The following XKR5 variants were observed in gnomAD, a reference collection of about 807,000 sequenced individuals.
XKR5 encodes the protein XK-related protein 5.
A neutral mutation model predicts 40.8 loss-of-function variants in XKR5; 46 were observed. That is an observed-to-expected ratio of 1.13 (90% CI 0.89 to 1.44). The LOEUF is 1.44. Ranked by LOEUF, XKR5 falls within the 40% of genes most tolerant of loss-of-function variation. The pLI, the probability that XKR5 is intolerant of heterozygous loss-of-function variation, is 0.00. For synonymous variants in XKR5, 466 were observed against 356.1 expected (o/e 1.31, Z -3.48); for missense variants, 1,169 against 844.7 (o/e 1.38, Z -4.76).
chr8:6,826,405 AGAAT>A (rs1469738814), intron 2 of XKR5, among the ~76,000 whole-genome samples: 1 of 152,118 alleles, frequency 6.6e-6, no homozygotes, highest in African/African-American at 2.4e-5. Flanking sequence ...CAGAGCTAAT[AGAAT>A]ACTTCCAGCA....
chr8:6,825,934 G>T (rs1804453698), intron 2 of XKR5, among the ~76,000 whole-genome samples: 1 of 152,208 alleles, frequency 6.6e-6, no homozygotes, highest in Admixed American at 6.5e-5. Flanking sequence ...GGAGCTTGGA[G>T]GCTGATGTGG....
Position 6,825,324 on chromosome 8 carries a change from G to T in XKR5, c.268C>A (p.Leu90Met). 3 of 1,597,454 alleles carry T rather than the reference G, an allele frequency of 1.9e-6. No homozygotes were observed. The highest frequency in any genetic ancestry group is 2.2e-5 in the South Asian group (2 of 89,354). Residue 90 changes from leucine (L) to methionine (M), a missense_variant, in exon 3 of 7, where the codon CTG (leucine) becomes ATG (methionine). Coordinates refer to ENST00000618742, the MANE Select transcript of XKR5 (RefSeq NM_207411.5). ...TGGGGAGCCTCCAGTTCCTTCTGCA[G>T]ACTGGTCAGTGCAGCGTCCCAGTGC... ...KRHWDAALTS[L>M]QKELEAPHRG...
At chr8:6,831,359 G>A (rs1271211930) in intron 2 of XKR5, among the ~76,000 whole-genome samples, 1 of 152,222 alleles carries the variant, frequency 6.6e-6, no homozygotes, top group Non-Finnish European at 1.5e-5. Context: ...CAAAATGCCT[G>A]TGGCTGCAAA....
intron 5 of XKR5, 90 bp downstream of exon 5, chr8:6,821,779 C>A: frequency 2.3e-6 from 2 of 861,712 alleles, no homozygotes; most frequent in Non-Finnish European, 3.3e-6. Flanking sequence ...TGCATTGGTG[C>A]ACACACACAC....
At chr8:6,835,346 G>T (rs879628233) in intron 1 of XKR5, 90 bp downstream of exon 1, 130 of 1,287,616 alleles carry the variant, frequency 1.0e-4, no homozygotes, top group Non-Finnish European at 1.2e-4. Flanking sequence ...GGCAGTGCCC[G>T]CCCGGGCATA....
At chr8:6,828,266 G>T (rs2741086) in intron 2 of XKR5, among the ~76,000 whole-genome samples, 3 of 152,152 alleles carry the variant, frequency 2.0e-5, no homozygotes, top group East Asian at 3.9e-4. Context: ...TCCTGGAAGA[G>T]GAGGACAGGC....
chr8:6,834,173 G>C (rs1804895688), intron 1 of XKR5, among the ~76,000 whole-genome samples: 1 of 152,202 alleles, frequency 6.6e-6, no homozygotes, highest in Admixed American at 6.5e-5. Flanking sequence ...GCGGTGCGCT[G>C]GTAGAGGCAC....
rs763390745 is a variant in XKR5, at chr8:6,825,365, G to T, written c.243-16C>A. ...GTCCCAGTGCCTAGGGAACAGCAGA[G>T]GGCACGTGACACGGAGCCAGGCTGT... On this transcript the variant is annotated splice_polypyrimidine_tract_variant and intron_variant, in intron 2 of 6. Transcript: ENST00000618742. 6 of 1,515,320 alleles carry T rather than the reference G, an allele frequency of 4.0e-6. No homozygotes were observed. The African/African-American group carries it at 7.1e-5, about 18-fold the overall frequency. 93.9% of individuals were successfully genotyped at this position (1,515,320 alleles called of 1,614,324 possible).
rs1236811777 is a variant in XKR5 at position 6,831,674 on chromosome 8, T to C, written c.242+1043A>G. ...CAGTGCCTATGATTTAATGAACACT[T>C]GAGCTGCAGGGCTTCACCGCTCTGA... On this transcript the variant is annotated intron_variant, in intron 2 of 6. Transcript: ENST00000618742. 2.0e-5 allele frequency among the ~76,000 whole-genome samples: 3 copies of C among 152,038 alleles called. No homozygotes were observed. The East Asian group carries it at 5.8e-4, about 29-fold the overall frequency.
At chr8:6,830,177 G>T (rs1804696267) in intron 2 of XKR5, among the ~76,000 whole-genome samples, 1 of 152,174 alleles carries the variant, frequency 6.6e-6, no homozygotes, top group African/African-American at 2.4e-5. Context: ...TGTTTTACTG[G>T]ATTCTCAGTT....
intron 3 of XKR5, 102 bp downstream of exon 3, chr8:6,825,063 A>T: frequency 7.0e-7 from 1 of 1,419,124 alleles, no homozygotes; most frequent in Non-Finnish European, 9.7e-7. Flanking sequence ...TAATGCTCCT[A>T]AGCAGAGGAA....
intron 5 of XKR5, among the ~76,000 whole-genome samples, chr8:6,817,406 C>A (rs1331642430): frequency 6.6e-6 from 1 of 152,168 alleles, no homozygotes; most frequent in Non-Finnish European, 1.5e-5. Flanking sequence ...TTTCCTCAAC[C>A]AAACTCCAGT....
chr8:6,826,449 A>C (rs1461596675), intron 2 of XKR5, among the ~76,000 whole-genome samples: 1 of 152,068 alleles, frequency 6.6e-6, no homozygotes, highest in African/African-American at 2.4e-5. Context: ...CTAGGAATGG[A>C]AAGTAGGGAG....
intron 5 of XKR5, among the ~76,000 whole-genome samples, chr8:6,820,607 G>A (rs1025193475): frequency 2.0e-5 from 3 of 152,178 alleles, no homozygotes; most frequent in Admixed American, 6.5e-5. Context: ...TTCACTTGGG[G>A]ATCATGTTGG....
In XKR5 at chr8:6,822,023, A is replaced by G; in HGVS notation, c.653T>C (p.Val218Ala). The change falls in exon 5 of 7, where the codon GTG becomes GCG. Residue 218 changes from valine to alanine, a missense_variant. Coordinates refer to ENST00000618742, the MANE Select transcript of XKR5 (RefSeq NM_207411.5). ...VFVVAGAHWL[V>A]MTFWLVAQQS... ...CTGGGCGACAAGCCAGAATGTCATC[A>G]CCAGCCAGTGGGCACCTGCAGAGAA... 6.2e-7 allele frequency: 1 copy of G among 1,602,168 alleles called. No homozygotes were observed. Among genetic ancestry groups the G allele is most frequent in the South Asian group, 1.1e-5 (1 of 89,264 alleles).
chr8:6,822,123 G>A (rs1009501870), intron 4 of XKR5, 85 bp from the exon 5 acceptor site: 5 of 1,366,120 alleles, frequency 3.7e-6, no homozygotes, highest in Admixed American at 2.5e-5. Flanking sequence ...GGGCTGGAAG[G>A]CTCTCCGACC....
chr8:6,819,836 CT>C (rs370081911), intron 5 of XKR5, among the ~76,000 whole-genome samples: 71 of 58,676 alleles, frequency 1.2e-3, no homozygotes, highest in East Asian at 0.011. Flanking sequence ...ACCTTCCTTC[CT>C]CTTCCCTACC....
chr8:6,811,901 T>C lies in XKR5; in HGVS notation c.1358A>G (p.Gln453Arg), dbSNP rs1264882474. Residue 453 changes from glutamine (Q) to arginine (R), a missense_variant, in exon 7 of 7, where the codon CAA becomes CGA. By Grantham distance (43) the Gln-to-Arg change is conservative. Transcript: ENST00000618742. ...GTCACGGGATGAGGATGGGAGCTCT[T>C]GCTGGGCAGACAAGGCCTTTCTCTG... ...YLQRKALSAQ[Q>R]ELPSSSRDPS... is the part of the protein sequence containing the mutation. 6.5e-7 allele frequency: 1 copy of C among 1,537,438 alleles called. No homozygotes were observed. The highest frequency in any genetic ancestry group is 2.4e-5 in the East Asian group (1 of 40,920).
intron 2 of XKR5, among the ~76,000 whole-genome samples, chr8:6,826,122 G>A (rs574204135): frequency 1.6e-4 from 24 of 152,256 alleles, no homozygotes; most frequent in African/African-American, 5.8e-4. Flanking sequence ...ACACACATGT[G>A]GTGTACATGT....
Sources: gnomAD v4.1 joint callset for allele counts (sites outside exome capture counted in the v4.1 genomes callset) on GRCh38, gnomAD v4.1.1 for gene constraint, MANE v1.5 for transcripts, NCBI Gene and HGNC (gene_info 2026-07-23, HGNC 2026-07-21) for gene names.